The following ODAD2 variants were observed in gnomAD, a reference collection of about 807,000 sequenced individuals.
ODAD2 encodes the protein outer dynein arm-docking complex subunit 2.
ODAD2 carries 89 observed loss-of-function variants against 106.8 expected under a neutral mutation model. The observed-to-expected ratio is 0.83, with a 90% CI of 0.70 to 0.99. The LOEUF (loss-of-function observed/expected upper bound fraction) is 0.99. ODAD2 is among the 50% of genes least tolerant of loss of function. ODAD2 has a pLI of 0.00. For missense variants in ODAD2, 1,168 were observed against 1,238.5 expected, an observed-to-expected ratio of 0.94 and a Z score of 0.85; for synonymous variants, 404 against 436.2, an observed-to-expected ratio of 0.93 and a Z score of 0.92.
At chr10:27,870,714 A>T (rs1326008147) in intron 17 of ODAD2, among the ~76,000 whole-genome samples, 1 of 152,220 alleles carries the variant, frequency 6.6e-6, no homozygotes, top group Admixed American at 6.5e-5. Context: ...ATAGTATTAC[A>T]TGATGTATAT....
chr10:27,903,249 C>T (rs896009095), intron 17 of ODAD2, among the ~76,000 whole-genome samples: 1 of 152,116 alleles, frequency 6.6e-6, no homozygotes, highest in African/African-American at 2.4e-5. Flanking sequence ...AAATTCAACA[C>T]TCATTCATGC....
intron 17 of ODAD2, among the ~76,000 whole-genome samples, chr10:27,899,037 C>T (rs1034223227): frequency 6.6e-6 from 1 of 151,718 alleles, no homozygotes; most frequent in African/African-American, 2.4e-5. Flanking sequence ...CAAATAGGAA[C>T]AGCTCTGGTC....
chr10:27,820,114 G>T (rs1836483552), intron 19 of ODAD2, among the ~76,000 whole-genome samples: 1 of 152,100 alleles, frequency 6.6e-6, no homozygotes, highest in African/African-American at 2.4e-5. Context: ...AGGGAATTTT[G>T]GCCCAGAGGT....
At chr10:27,888,576 T>C (rs76609991) in intron 17 of ODAD2, among the ~76,000 whole-genome samples, 4,508 of 152,246 alleles carry the variant, frequency 0.03, 139 homozygotes, top group East Asian at 0.13. Context: ...CCTTGTCGGA[T>C]ATGTACTTTG....
intron 16 of ODAD2, among the ~76,000 whole-genome samples, chr10:27,908,090 T>A (rs1203873346): frequency 3.3e-5 from 5 of 152,306 alleles, no homozygotes; most frequent in Admixed American, 6.5e-5. Context: ...AAATACGGGT[T>A]TCTTTCATAT....
chr10:27,855,457 C>T (rs1839590866), intron 19 of ODAD2, among the ~76,000 whole-genome samples: 2 of 152,090 alleles, frequency 1.3e-5, no homozygotes, highest in African/African-American at 2.4e-5. Flanking sequence ...AAACTCTTCT[C>T]GGCACTCCAA....
upstream of ODAD2, chr10:27,999,137 T>G (rs377579857): frequency 2.6e-5 from 4 of 152,314 alleles, no homozygotes; most frequent in African/African-American, 9.7e-5. Flanking sequence ...CGGGAAACAC[T>G]TTTATTCAAC....
At chr10:27,872,591 T>C (rs1332539857) in intron 17 of ODAD2, among the ~76,000 whole-genome samples, 1 of 152,230 alleles carries the variant, frequency 6.6e-6, no homozygotes, top group Non-Finnish European at 1.5e-5. Context: ...GTCAAAGGCC[T>C]TTCCTGCATC....
intron 16 of ODAD2, among the ~76,000 whole-genome samples, chr10:27,928,824 T>A (rs1845428397): frequency 6.6e-6 from 1 of 152,158 alleles, no homozygotes; most frequent in South Asian, 2.1e-4. Context: ...CACACAGCAC[T>A]TATTATATGT....
chr10:27,935,568 A>G (rs937997446), intron 15 of ODAD2, among the ~76,000 whole-genome samples: 8 of 152,062 alleles, frequency 5.3e-5, no homozygotes. Context: ...ACCTGAATGA[A>G]GTCTTCTAAA....
At chr10:27,948,821 A>G (rs1402653447) in intron 10 of ODAD2, among the ~76,000 whole-genome samples, 1 of 34,970 alleles carries the variant, frequency 2.9e-5, no homozygotes, top group Non-Finnish European at 5.5e-5. Flanking sequence ...ACATTTGGCC[A>G]TTGGATTTTT....
chr10:27,924,135 A>G (rs985584400), intron 16 of ODAD2, among the ~76,000 whole-genome samples: 1 of 152,108 alleles, frequency 6.6e-6, no homozygotes, highest in Non-Finnish European at 1.5e-5. Flanking sequence ...TTAAAAAAGC[A>G]TCCATAAGCT....
At chr10:27,871,664 G>C (rs1840902464) in intron 17 of ODAD2, among the ~76,000 whole-genome samples, 1 of 152,166 alleles carries the variant, frequency 6.6e-6, no homozygotes, top group Non-Finnish European at 1.5e-5. Context: ...TCAGATGGTT[G>C]TAGATGTGTG....
intron 17 of ODAD2, among the ~76,000 whole-genome samples, chr10:27,894,985 G>C (rs1211749921): frequency 6.7e-6 from 1 of 148,506 alleles, no homozygotes; most frequent in Non-Finnish European, 1.5e-5. Context: ...AAATTAGACA[G>C]GCATATGGAA....
chr10:27,838,189 G>GA (rs1429387611), intron 19 of ODAD2, among the ~76,000 whole-genome samples: 2 of 152,040 alleles, frequency 1.3e-5, no homozygotes, highest in African/African-American at 2.4e-5. Flanking sequence ...GTTTTCAAGG[G>GA]AAAAAACAAG....
chr10:27,923,077 A>T (rs540836730), intron 16 of ODAD2, among the ~76,000 whole-genome samples: 1 of 152,302 alleles, frequency 6.6e-6, no homozygotes, highest in South Asian at 2.1e-4. Context: ...TTAAAGAGCA[A>T]GCAATAACAA....
At chr10:27,836,975 G>T (rs1172643332) in intron 19 of ODAD2, among the ~76,000 whole-genome samples, 2 of 152,186 alleles carry the variant, frequency 1.3e-5, no homozygotes, top group Non-Finnish European at 2.9e-5. Context: ...TGCAGGGAAT[G>T]TCGCTTAAGT....
Position 27,939,919 on chromosome 10 carries a change from T to G in ODAD2, c.2075A>C (p.His692Pro), listed in dbSNP as rs1193687241. 6.2e-7 allele frequency: 1 copy of G among 1,608,594 alleles called. No individual in the cohort carries two copies. The highest frequency in any genetic ancestry group is 1.3e-5 in the African/African-American group (1 of 74,658). ...LNSENEQLQE[H>P]CAMAIYQCAE... The stretch of plus-strand genomic sequence containing the variant: ...CACCTGGTAAATGGCCATGGCGCAG[T>G]GCTCCTGCAGCTGCTCATTCTCACT... Residue 692 changes from histidine (H) to proline (P), a missense_variant, in exon 14 of 20, where the codon CAC (histidine) becomes CCC (proline). Transcript: ENST00000305242.
At chr10:27,987,252 A>G (rs1404937004) in intron 3 of ODAD2, 134 bp downstream of exon 3, 8 of 724,068 alleles carry the variant, frequency 1.1e-5, no homozygotes, top group Admixed American at 6.1e-5. Flanking sequence ...GAAGTTGTAC[A>G]TTTGACTTTT....
Sources: allele counts gnomAD v4.1 joint callset (sites outside exome capture counted in the v4.1 genomes callset), GRCh38; gene constraint gnomAD v4.1.1; transcripts MANE v1.5; gene names NCBI Gene and HGNC (gene_info 2026-07-23, HGNC 2026-07-21).